TNRC6A: variants seen among roughly 807,000 people sequenced by gnomAD.
TNRC6A encodes trinucleotide repeat-containing gene 6A protein.
A neutral mutation model predicts 221.2 loss-of-function variants in TNRC6A; 44 were observed. The observed-to-expected ratio is 0.20, with a 90% CI of 0.16 to 0.26. The LOEUF is 0.26. Among genes scored for constraint, TNRC6A ranks in the 10% least tolerant of loss-of-function variants. The pLI is 1.00. For synonymous variants in TNRC6A, 847 were observed against 838.5 expected (o/e 1.01, Z -0.18); for missense variants, 2,199 against 2,404.4 (o/e 0.91, Z 1.79).
chr16:24,731,215 C>G (rs79137181), intron 2 of TNRC6A, among the ~76,000 whole-genome samples: 1 of 151,526 alleles, frequency 6.6e-6, no homozygotes, highest in Non-Finnish European at 1.5e-5. Flanking sequence ...TTTTTTTTCA[C>G]TTGTTGAAAA....
Position 24,823,438 on chromosome 16 carries a change from A to T in TNRC6A, c.5520A>T (p.Val1840=). ...VKAQKSLHMC[V]LGNTTILAEF... is the part of the protein sequence containing the mutation. ...CGGTGCCTCTCTCCTCTAGGTGTGT[A>T]CTGGGGAACACTACTATTCTTGCTG... Residue 1840 remains valine, a synonymous_variant, in exon 25 of 25, where the codon GTA becomes GTT. Transcript: ENST00000395799. This position sits in a 1 kb window ranked among gnomAD's most constrained non-coding sequence, Gnocchi z 4.3. 6.2e-7 allele frequency: 1 copy of T among 1,612,046 alleles called. No homozygotes were observed. The highest frequency in any genetic ancestry group is 8.5e-7 in the Non-Finnish European group (1 of 1,178,952).
intron 1 of TNRC6A, among the ~76,000 whole-genome samples, chr16:24,620,595 A>ATCAGGAGT (rs1333766776): frequency 1.3e-5 from 2 of 151,296 alleles, no homozygotes; most frequent in Non-Finnish European, 2.9e-5. Context: ...ATTACCTGAA[A>ATCAGGAGT]TCAGGAGTTC....
intron 5 of TNRC6A, chr16:24,778,303 G>C (rs1185091570): frequency 3.0e-6 from 3 of 985,120 alleles, no homozygotes; most frequent in Non-Finnish European, 3.6e-6. Flanking sequence ...TATATACCAA[G>C]AACTACTCTG....
intron 11 of TNRC6A, among the ~76,000 whole-genome samples, chr16:24,802,594 G>T (rs1480586431): frequency 6.6e-6 from 1 of 152,172 alleles, no homozygotes; most frequent in African/African-American, 2.4e-5. Context: ...GCTTTAGCAG[G>T]CAGGTAAAAA....
rs1002604310 is a variant in TNRC6A at position 24,798,064 on chromosome 16, G to A, written c.3694+98G>A. ...GAGCCCTGACGTAGATCAGGACAGGGGAGGCTGTGCTCTCCAATAGACGTA... is the reference window on the plus strand; with the variant it reads ...GAGCCCTGACGTAGATCAGGACAGGAGAGGCTGTGCTCTCCAATAGACGTA... On this transcript the variant is annotated intron_variant, in intron 11 of 24. Coordinates refer to ENST00000395799, the MANE Select transcript of TNRC6A (RefSeq NM_014494.4). 50 of 1,052,202 alleles carry A rather than the reference G, an allele frequency of 4.8e-5. 1 individual carries two copies. The East Asian group carries it at 1.2e-3, about 25-fold the overall frequency. The allele number at this position is 1,052,202 out of a possible 1,614,324, so 65.2% of individuals were successfully genotyped here.
Position 24,823,124 on chromosome 16 carries a change from G to C in TNRC6A, c.5513+111G>C. ...CCTGCGTGGGTGGCTCCTGCTGGCTGCAGTAGTGCCCTGATTCCAAGGTCG... is the reference window on the plus strand; with the variant it reads ...CCTGCGTGGGTGGCTCCTGCTGGCTCCAGTAGTGCCCTGATTCCAAGGTCG... On this transcript the variant is annotated intron_variant, in intron 24 of 24. Coordinates refer to ENST00000395799, the MANE Select transcript of TNRC6A (RefSeq NM_014494.4). This position sits in a 1 kb window ranked among gnomAD's most constrained non-coding sequence, Gnocchi z 4.3. The C allele has an allele frequency of 1.4e-6, 2 of 1,426,488 alleles. No individual in the cohort carries two copies. Among genetic ancestry groups the C allele is most frequent in the Non-Finnish European group, 1.9e-6 (2 of 1,030,924 alleles). 88.4% of individuals were successfully genotyped at this position (1,426,488 alleles called of 1,614,324 possible).
At chr16:24,807,166 C>G (rs905369315) in intron 17 of TNRC6A, among the ~76,000 whole-genome samples, 1 of 152,038 alleles carries the variant, frequency 6.6e-6, no homozygotes, top group African/African-American at 2.4e-5. Context: ...CCACCACGCC[C>G]AGCTAATCTT....
rs57520356 is a variant in TNRC6A, at chr16:24,627,697, CTTTTTT to C, written n.277-13170_277-13165del. Among the ~76,000 whole-genome samples, 424 of 101,766 alleles carry C rather than the reference CTTTTTT, an allele frequency of 4.2e-3. 2 individuals are homozygous for C. Among genetic ancestry groups the C allele is most frequent in the African/African-American group, 0.014 (350 of 24,268 alleles). 66.8% of individuals were successfully genotyped at this position (101,766 alleles called of 152,430 possible). On this transcript the variant is annotated intron_variant and non_coding_transcript_variant, in intron 1 of 2. Transcript: ENST00000566108. ...GTCTCTTTCATGTTTTCTTTTCTTG[CTTTTTT>C]TTTTTTTTTTTTTTTTGACAGTCTC... is the stretch of plus-strand genomic sequence containing the variant.
chr16:24,613,173 G>A (rs1381211644), intron 1 of TNRC6A, among the ~76,000 whole-genome samples: 11 of 150,732 alleles, frequency 7.3e-5, no homozygotes, highest in East Asian at 3.9e-4. Flanking sequence ...CTTCAGTTGC[G>A]GGGGCATAAA....
At chr16:24,729,616 G>A (rs1335883305), upstream of TNRC6A, 6 of 430,144 alleles carry the variant, frequency 1.4e-5, no homozygotes, top group South Asian at 7.7e-5. Flanking sequence ...CAGTGGCCGT[G>A]GCGCCCCCGG....
chr16:24,626,958 T>G (rs952014753), intron 1 of TNRC6A, among the ~76,000 whole-genome samples: 8 of 151,458 alleles, frequency 5.3e-5, no homozygotes, highest in Admixed American at 2.6e-4. Flanking sequence ...AGCCTGTTTT[T>G]TTTTTTTTTT....
At chr16:24,649,533 T>C (rs1466875616) in intron 2 of TNRC6A, among the ~76,000 whole-genome samples, 2 of 152,062 alleles carry the variant, frequency 1.3e-5, no homozygotes, top group Admixed American at 6.6e-5. Flanking sequence ...GGTTTCAAAC[T>C]CCTGGGCTCA....
chr16:24,793,633 A>T lies in TNRC6A; in HGVS notation c.3336A>T (p.Gln1112His), dbSNP rs113388806. The change falls in exon 7 of 25, where the codon CAA (glutamine) becomes CAT (histidine). Residue 1112 changes from glutamine to histidine, a missense_variant. By Grantham distance (24) the Gln-to-His change is conservative (BLOSUM62 0). Around this residue, in one of 8 missense-constraint regions of TNRC6A, gnomAD observed 1,405 missense variants for 1,400.2 expected, o/e 1.00. Coordinates refer to ENST00000395799, the MANE Select transcript of TNRC6A (RefSeq NM_014494.4). ...STWGSSSVGP[Q>H]ALSKSGPKSM... ...GGGGCTCCAGCTCTGTTGGTCCACA[A>T]GCATTAAGCAAATCTGGTAAGTTAT... 56,056 of 1,503,460 alleles carry T rather than the reference A, an allele frequency of 0.037. 1,243 individuals carry two copies. Among genetic ancestry groups the T allele is most frequent in the Admixed American group, 0.045 (2,215 of 48,818 alleles). The allele number at this position is 1,503,460 out of a possible 1,614,324, so 93.1% of individuals were successfully genotyped here. A position where few individuals can be genotyped will look rare whatever the true frequency, so the allele number is the denominator to read the frequency against.
intron 2 of TNRC6A, among the ~76,000 whole-genome samples, chr16:24,673,742 G>T (rs1020060339): frequency 6.6e-6 from 1 of 152,070 alleles, no homozygotes; most frequent in Admixed American, 6.5e-5. Flanking sequence ...TCTAATTTTT[G>T]TAGAGACAGA....
intron 5 of TNRC6A, among the ~76,000 whole-genome samples, chr16:24,786,308 TG>T (rs1425608104): frequency 7.0e-6 from 1 of 143,716 alleles, no homozygotes; most frequent in African/African-American, 2.6e-5. Flanking sequence ...TTTTTGTTGT[TG>T]TTGTTGTTTT....
rs768793572 is a variant in TNRC6A at position 24,791,086 on chromosome 16, A to G, written c.2444A>G (p.Lys815Arg). 17 of 1,611,980 alleles carry G rather than the reference A, an allele frequency of 1.1e-5. No homozygotes were observed. The South Asian group carries it at 1.2e-4, about 12-fold the overall frequency. Reference protein sequence around the residue: ...EDDSAATGMVKSNQWGNCKEE... With the variant: ...EDDSAATGMVRSNQWGNCKEE... ...GATTCTGCTGCTACAGGAATGGTCA[A>G]GAGCAATCAGTGGGGGAATTGCAAA... Residue 815 changes from lysine to arginine, a missense_variant, in exon 6 of 25, where the codon AAG (lysine) becomes AGG (arginine). Physicochemically the swap from Lys to Arg is conservative, Grantham distance 26. Transcript: ENST00000395799.
intron 2 of TNRC6A, among the ~76,000 whole-genome samples, chr16:24,659,931 T>C (rs1269542055): frequency 6.6e-6 from 1 of 152,202 alleles, no homozygotes. Flanking sequence ...TTATTAAATA[T>C]ACATTGAGAT....
At chr16:24,631,704 G>A (rs1901349388) in intron 1 of TNRC6A, among the ~76,000 whole-genome samples, 1 of 151,784 alleles carries the variant, frequency 6.6e-6, no homozygotes, top group Admixed American at 6.6e-5. Flanking sequence ...CCCAGGAGGT[G>A]GAGGTTGCAG....
chr16:24,809,527 C>A (rs1033553345), intron 18 of TNRC6A, 46 bp downstream of exon 18: 8 of 1,448,410 alleles, frequency 5.5e-6, no homozygotes, highest in Admixed American at 2.3e-5. Context: ...AACACACACA[C>A]CTGCAGAATA....
Sources: allele counts gnomAD v4.1 joint callset (sites outside exome capture counted in the v4.1 genomes callset), GRCh38; gene constraint gnomAD v4.1.1; regional missense constraint gnomAD v4.1.1; non-coding constraint Gnocchi (gnomAD v3.1); transcripts MANE v1.5; gene names NCBI Gene and HGNC (gene_info 2026-07-23, HGNC 2026-07-21).